The following NRG3 variants were observed in gnomAD, a reference collection of about 807,000 sequenced individuals.
NRG3 encodes the protein neuregulin 3.
NRG3 carries 31 observed loss-of-function variants against 66.9 expected under a neutral mutation model. The observed-to-expected ratio is 0.46, with a 90% CI of 0.35 to 0.63. The LOEUF is 0.63. NRG3 is among the 20% of genes least tolerant of loss of function. NRG3 has a pLI of 0.00. For synonymous variants in NRG3, 393 were observed against 359.4 expected (o/e 1.09, Z -1.06); for missense variants, 910 against 878.9 (o/e 1.04, Z -0.45).
At chr10:82,203,150 G>A (rs1449090204) in intron 1 of NRG3, among the ~76,000 whole-genome samples, 1 of 152,132 alleles carries the variant, frequency 6.6e-6, no homozygotes, top group African/African-American at 2.4e-5. Flanking sequence ...AGAAAAGAGT[G>A]AAGACACAGC....
intron 1 of NRG3, among the ~76,000 whole-genome samples, chr10:82,203,295 T>A (rs1443323177): frequency 2.0e-5 from 3 of 152,144 alleles, no homozygotes; most frequent in Non-Finnish European, 4.4e-5. Context: ...CATTTCCATG[T>A]AAATGGACAG....
At chr10:81,904,660 C>T (rs1324136544) in intron 1 of NRG3, among the ~76,000 whole-genome samples, 1 of 152,086 alleles carries the variant, frequency 6.6e-6, no homozygotes, top group Admixed American at 6.6e-5. Flanking sequence ...TTTCACTGGG[C>T]CTTTTCATTT....
chr10:82,760,890 A>G (rs1349245065), intron 3 of NRG3, among the ~76,000 whole-genome samples: 1 of 151,922 alleles, frequency 6.6e-6, no homozygotes, highest in East Asian at 1.9e-4. Context: ...ACAAATGTAA[A>G]CTAAGTATAT....
At chr10:82,136,998 TATG>T (rs1176823573) in intron 1 of NRG3, among the ~76,000 whole-genome samples, 1 of 152,208 alleles carries the variant, frequency 6.6e-6, no homozygotes, top group Non-Finnish European at 1.5e-5. Flanking sequence ...CTTTCATTAA[TATG>T]ATGTCAAAAC....
Position 82,606,767 on chromosome 10 carries a change from G to T in NRG3, c.954-131810G>T, listed in dbSNP as rs937896055. 2.6e-5 allele frequency among the ~76,000 whole-genome samples: 4 copies of T among 152,020 alleles called. No individual in the cohort carries two copies. In the East Asian group the frequency reaches 7.7e-4, roughly 29 times the overall value. On this transcript the variant is annotated intron_variant, in intron 2 of 8. Transcript: ENST00000372141. Reference sequence around the variant, plus strand: ...TCCTATAGATAGAATCTCTGACACCGAACATTTTTACCCAAAAATTGCTAA... The same window carrying T: ...TCCTATAGATAGAATCTCTGACACCTAACATTTTTACCCAAAAATTGCTAA...
chr10:82,439,051 A>G (rs1467673337), intron 2 of NRG3, among the ~76,000 whole-genome samples: 2 of 151,990 alleles, frequency 1.3e-5, no homozygotes, highest in East Asian at 3.9e-4. Flanking sequence ...TTATTTATGA[A>G]ATGCTTACTT....
rs186619739 is a variant in NRG3 at position 82,562,743 on chromosome 10, C to T, written c.954-175834C>T. Among the ~76,000 whole-genome samples the T allele has an allele frequency of 5.3e-5, 8 of 151,398 alleles. No individual in the cohort carries two copies. In the East Asian group the frequency reaches 1.4e-3, roughly 26 times the overall value. On this transcript the variant is annotated intron_variant, in intron 2 of 8. Coordinates refer to ENST00000372141, the MANE Select transcript of NRG3 (RefSeq NM_001010848.4). ...GAGCAGCACCATTCCTCTGGAGTGA[C>T]GTGGGGACCTACTGCTTCTATCTAG...
chr10:82,688,769 G>GAA (rs66722309), intron 2 of NRG3, among the ~76,000 whole-genome samples: 7 of 136,926 alleles, frequency 5.1e-5, no homozygotes, highest in East Asian at 2.1e-4. Flanking sequence ...GTCTTTTTTA[G>GAA]AAAAAAAAAA....
intron 2 of NRG3, among the ~76,000 whole-genome samples, chr10:82,659,306 G>GATGCA (rs2052126235): frequency 6.6e-6 from 1 of 152,162 alleles, no homozygotes; most frequent in African/African-American, 2.4e-5. Context: ...GATAGTCCCG[G>GATGCA]ATGCAATTAT....
chr10:82,432,246 A>G (rs2089863227), intron 2 of NRG3, among the ~76,000 whole-genome samples: 1 of 152,086 alleles, frequency 6.6e-6, no homozygotes, highest in African/African-American at 2.4e-5. Flanking sequence ...GTACCCATTA[A>G]TCAACTTCTC....
chr10:82,225,150 A>G (rs2076108782), intron 1 of NRG3, among the ~76,000 whole-genome samples: 1 of 152,164 alleles, frequency 6.6e-6, no homozygotes. Flanking sequence ...AAAGATAAGT[A>G]AAAATGATAC....
chr10:82,720,810 CATATATATAT>C (rs5786567), intron 2 of NRG3, among the ~76,000 whole-genome samples: 59,150 of 114,892 alleles, frequency 0.51, 14,862 homozygotes, highest in East Asian at 0.68. Context: ...GTATTTTATA[CATATATATAT>C]ATATATATAT....
At chr10:82,612,164 G>A (rs1050301538) in intron 2 of NRG3, among the ~76,000 whole-genome samples, 1 of 151,882 alleles carries the variant, frequency 6.6e-6, no homozygotes, top group Non-Finnish European at 1.5e-5. Context: ...CTGGATATTA[G>A]CCCTTTGACA....
chr10:82,713,716 G>T (rs897219173), intron 2 of NRG3, among the ~76,000 whole-genome samples: 17 of 152,180 alleles, frequency 1.1e-4, no homozygotes, highest in African/African-American at 4.1e-4. Flanking sequence ...GACCACTGTG[G>T]ACCTCCTTGT....
intron 1 of NRG3, among the ~76,000 whole-genome samples, chr10:82,070,255 G>A: frequency 6.6e-6 from 1 of 152,014 alleles, no homozygotes; most frequent in East Asian, 1.9e-4. Flanking sequence ...ACATTGAGGG[G>A]GCCTTTCATG....
chr10:82,447,144 GCTACTC>G (rs1399147024), intron 2 of NRG3, among the ~76,000 whole-genome samples: 2 of 152,242 alleles, frequency 1.3e-5, no homozygotes, highest in African/African-American at 4.8e-5. Context: ...TGTCTCAAAT[GCTACTC>G]TCTAGGAATG....
chr10:82,601,716 T>A (rs930086240), intron 2 of NRG3, among the ~76,000 whole-genome samples: 14 of 151,628 alleles, frequency 9.2e-5, no homozygotes, highest in African/African-American at 3.4e-4. Flanking sequence ...ATGCATTTTT[T>A]AAAGTATGGT....
chr10:82,681,900 C>T (rs934871228), intron 2 of NRG3, among the ~76,000 whole-genome samples: 1 of 152,202 alleles, frequency 6.6e-6, no homozygotes, highest in Non-Finnish European at 1.5e-5. Context: ...TGGTAAGGTC[C>T]TCACAAGAGA....
At chr10:81,969,442 T>G (rs1350131258) in intron 1 of NRG3, among the ~76,000 whole-genome samples, 1 of 152,168 alleles carries the variant, frequency 6.6e-6, no homozygotes, top group Non-Finnish European at 1.5e-5. Flanking sequence ...GCTTTCTTAC[T>G]GGTGTAGACA....
Sources: allele counts gnomAD v4.1 joint callset (sites outside exome capture counted in the v4.1 genomes callset), GRCh38; gene constraint gnomAD v4.1.1; transcripts MANE v1.5; gene names NCBI Gene and HGNC (gene_info 2026-07-23, HGNC 2026-07-21).